The following DCTN4 variants were observed in gnomAD, a reference collection of about 807,000 sequenced individuals.
DCTN4 encodes dynactin subunit 4.
In DCTN4, 23 loss-of-function variants were observed where a neutral mutation model predicts 62.7. The ratio of observed to expected loss-of-function variants is 0.37; its 90% CI spans 0.26 to 0.52. The LOEUF is 0.52. Among genes scored for constraint, DCTN4 ranks in the 20% least tolerant of loss-of-function variants. The pLI, the probability that DCTN4 is intolerant of heterozygous loss-of-function variation, is 0.92. For missense variants in DCTN4, 514 were observed against 580.4 expected (o/e 0.89, Z 1.18); for synonymous variants, 199 against 202.1 (o/e 0.98, Z 0.13).
intron 3 of DCTN4, among the ~76,000 whole-genome samples, chr5:150,750,022 G>T (rs560902237): frequency 7.1e-4 from 108 of 152,212 alleles, no homozygotes; most frequent in African/African-American, 2.3e-3. Flanking sequence ...TCTAGAAAAG[G>T]CAAAATTCTA....
intron 9 of DCTN4, 88 bp downstream of exon 9, chr5:150,722,819 A>G (rs1760001340): frequency 2.2e-6 from 2 of 927,722 alleles, no homozygotes; most frequent in South Asian, 3.3e-5. Context: ...TTTTTAGGCC[A>G]AGAGTAAACA....
chr5:150,711,249 AG>A lies in DCTN4; in HGVS notation c.1282del (p.Leu428TrpfsTer65). The A allele has an allele frequency of 6.2e-7, 1 of 1,613,298 alleles. No homozygotes were observed. The highest frequency in any genetic ancestry group is 8.5e-7 in the Non-Finnish European group (1 of 1,180,038). ...CFKMKHDFKNLAAPIRPIEES... is the reference protein window; with the variant it reads ...CFKMKHDFKNXAAPIRPIEES... ...TTCAATGGGGCGAATGGGGGCTGCC[AG>A]GTTTTTAAAATCATGCTTCATCTTG... On this transcript the variant is annotated frameshift_variant, in exon 13 of 13. Transcript: ENST00000447998. LOFTEE classifies it high-confidence loss of function.
intron 1 of DCTN4, 79 bp from the exon 2 acceptor site, chr5:150,756,566 A>T: frequency 1.2e-6 from 1 of 842,674 alleles, no homozygotes; most frequent in Non-Finnish European, 1.8e-6. Context: ...CAAATAGTGA[A>T]TTTTAAAATA....
At chr5:150,735,180 T>C (rs2113074324) in intron 4 of DCTN4, among the ~76,000 whole-genome samples, 1 of 152,164 alleles carries the variant, frequency 6.6e-6, no homozygotes, top group East Asian at 1.9e-4. Flanking sequence ...CAGCTGATGC[T>C]TTCTTGAAAG....
rs376296827 is a variant in DCTN4 at position 150,722,997 on chromosome 5, T to C, written c.835-17A>G. 59 of 1,557,024 alleles carry C rather than the reference T, an allele frequency of 3.8e-5. No homozygotes were observed. Among genetic ancestry groups the C allele is most frequent in the East Asian group, 3.4e-4 (15 of 44,388 alleles). On this transcript the variant is annotated splice_polypyrimidine_tract_variant and intron_variant, in intron 8 of 12. Coordinates refer to ENST00000447998, the MANE Select transcript of DCTN4 (RefSeq NM_016221.4). Reference sequence around the variant, plus strand: ...TTCACATTTCTAAAAAGAAAACAAATATAACACGTATCAGAAGACAACAAC... The same window carrying C: ...TTCACATTTCTAAAAAGAAAACAAACATAACACGTATCAGAAGACAACAAC...
intron 3 of DCTN4, among the ~76,000 whole-genome samples, chr5:150,745,716 A>AC (rs1190514257): frequency 6.6e-6 from 1 of 152,248 alleles, no homozygotes; most frequent in African/African-American, 2.4e-5. Flanking sequence ...AAATGAAGGC[A>AC]GAAATAAAGA....
Position 150,753,505 on chromosome 5 carries a change from T to C in DCTN4, c.359A>G (p.Asp120Gly). The C allele has an allele frequency of 5.0e-6, 8 of 1,614,150 alleles. No individual in the cohort carries two copies. The highest frequency in any genetic ancestry group is 6.8e-6 in the Non-Finnish European group (8 of 1,180,002). ...ACGFCRWTSR[D>G]VGMADKSVAS... is the part of the protein sequence containing the mutation. ...TACAGATTTGTCTGCCATGCCCACA[T>C]CTCTAGACGTCCAGCGACAAAATCC... is the stretch of plus-strand genomic sequence containing the variant. Residue 120 changes from aspartate (D) to glycine (G), a missense_variant, in exon 3 of 13, where the codon GAT (aspartate) becomes GGT (glycine). By Grantham distance (94) the Asp-to-Gly change is moderately conservative. Transcript: ENST00000447998.
chr5:150,747,577 G>A (rs1296647379), intron 3 of DCTN4, among the ~76,000 whole-genome samples: 1 of 152,128 alleles, frequency 6.6e-6, no homozygotes, highest in South Asian at 2.1e-4. Context: ...GCATGGTACT[G>A]GTACCAAAAC....
intron 3 of DCTN4, chr5:150,743,143 G>A (rs1760831178): frequency 6.5e-6 from 1 of 152,788 alleles, no homozygotes; most frequent in Admixed American, 6.5e-5. Context: ...TTTTCCAACA[G>A]GCTTAGGAAA....
At position 150,731,174 on chromosome 5, in the gene DCTN4, CAAAA is replaced by C. The variant is rs1466739061; in HGVS notation, c.612-22_612-19del. 2 of 1,456,800 alleles carry C rather than the reference CAAAA, an allele frequency of 1.4e-6. No homozygotes were observed. The highest frequency in any genetic ancestry group is 1.9e-6 in the Non-Finnish European group (2 of 1,040,178). 90.2% of individuals were successfully genotyped at this position (1,456,800 alleles called of 1,614,324 possible). On this transcript the variant is annotated intron_variant, in intron 6 of 12. Transcript: ENST00000447998. ...CTTTAAGGCTGAAAAATTAAAAAAA[CAAAA>C]CAAAACAAAACAAAAGAGTAATTTC...
chr5:150,737,375 C>T (rs978188910), intron 4 of DCTN4, among the ~76,000 whole-genome samples: 4 of 152,078 alleles, frequency 2.6e-5, no homozygotes, highest in African/African-American at 7.2e-5. Flanking sequence ...CCACAAAACA[C>T]GTCTCAATAC....
At chr5:150,744,103 A>G (rs1326604014) in intron 3 of DCTN4, among the ~76,000 whole-genome samples, 1 of 152,256 alleles carries the variant, frequency 6.6e-6, no homozygotes, top group Non-Finnish European at 1.5e-5. Context: ...AAAGGAGCTG[A>G]TGGAGCTGAA....
At chr5:150,733,715 GCTCT>G in intron 4 of DCTN4, 1 of 390,270 alleles carries the variant, frequency 2.6e-6, no homozygotes, top group South Asian at 3.9e-5. Flanking sequence ...GAAATTTTTT[GCTCT>G]CTAACTTCAT....
intron 8 of DCTN4, among the ~76,000 whole-genome samples, chr5:150,728,253 T>C (rs980515596): frequency 6.6e-6 from 1 of 152,108 alleles, no homozygotes; most frequent in African/African-American, 2.4e-5. Flanking sequence ...TAATAAAAAC[T>C]TTCTTTTAAC....
At chr5:150,729,637 T>C (rs1485794432) in intron 8 of DCTN4, among the ~76,000 whole-genome samples, 1 of 146,990 alleles carries the variant, frequency 6.8e-6, no homozygotes, top group African/African-American at 2.6e-5. Flanking sequence ...AGAGACAGGG[T>C]CTTTCTGTGT....
intron 4 of DCTN4, among the ~76,000 whole-genome samples, chr5:150,737,235 T>G (rs1398807302): frequency 1.3e-5 from 2 of 152,084 alleles, no homozygotes; most frequent in Non-Finnish European, 2.9e-5. Context: ...AAAGAAACAA[T>G]GGACTTACAC....
At chr5:150,756,390 G>GAAA in intron 2 of DCTN4, 27 bp downstream of exon 2, 1 of 1,407,814 alleles carries the variant, frequency 7.1e-7, no homozygotes, top group Admixed American at 2.3e-5. Context: ...AAAATAGGAA[G>GAAA]AAAAAAAAAA....
Position 150,756,421 on chromosome 5 carries a change from T to C in DCTN4, c.202A>G (p.Asn68Asp). 6.3e-7 allele frequency: 1 copy of C among 1,597,568 alleles called. No individual in the cohort carries two copies. The highest frequency in any genetic ancestry group is 2.3e-5 in the East Asian group (1 of 44,438). Residue 68 changes from asparagine (N) to aspartate (D), a missense_variant, in exon 2 of 13, where the codon AAT (asparagine) becomes GAT (aspartate). Transcript: ENST00000447998. ...MPSAEAKLKK[N>D]RCANCFDCPG... Reference sequence around the variant, plus strand: ...AAAAATCAGTCCAGGTCTTACCTATTCTTTTTTAGTTTGGCTTCAGCCGAT... The same window carrying C: ...AAAAATCAGTCCAGGTCTTACCTATCCTTTTTTAGTTTGGCTTCAGCCGAT...
chr5:150,755,741 C>T (rs1752837285), intron 2 of DCTN4, among the ~76,000 whole-genome samples: 1 of 152,020 alleles, frequency 6.6e-6, no homozygotes, highest in African/African-American at 2.4e-5. Flanking sequence ...ATGTGATATC[C>T]TGAAAAGAAT....
Sources: allele counts gnomAD v4.1 joint callset (sites outside exome capture counted in the v4.1 genomes callset), GRCh38; gene constraint gnomAD v4.1.1; transcripts MANE v1.5; gene names NCBI Gene and HGNC (gene_info 2026-07-23, HGNC 2026-07-21).